The following DNA2 variants were observed in gnomAD, a reference collection of about 807,000 sequenced individuals.
The protein encoded by DNA2 is DNA replication ATP-dependent helicase/nuclease DNA2.
DNA2 carries 101 observed loss-of-function variants against 119.1 expected under a neutral mutation model. That is an observed-to-expected ratio of 0.85 (90% CI 0.72 to 1.00). The LOEUF (loss-of-function observed/expected upper bound fraction) is 1.00, where lower values mean the gene tolerates loss of function less well. DNA2 is among the 50% of genes least tolerant of loss of function. DNA2 has a pLI of 0.00. For missense variants in DNA2, 1,121 were observed against 1,255.5 expected, an observed-to-expected ratio of 0.89 and a Z score of 1.62; for synonymous variants, 366 against 424.4, an observed-to-expected ratio of 0.86 and a Z score of 1.69.
intron 10 of DNA2, among the ~76,000 whole-genome samples, chr10:68,434,527 C>T (rs2051862918): frequency 6.6e-6 from 1 of 152,028 alleles, no homozygotes; most frequent in Non-Finnish European, 1.5e-5. Context: ...TGGCATGCAC[C>T]TGTGGTCCCA....
chr10:68,425,864 G>A (rs1287725100), intron 14 of DNA2, among the ~76,000 whole-genome samples: 1 of 151,800 alleles, frequency 6.6e-6, no homozygotes, highest in African/African-American at 2.4e-5. Context: ...GCCAGGCGCT[G>A]TGTCTCACAC....
Position 68,419,098 on chromosome 10 carries a change from T to G in DNA2, c.2903A>C (p.Lys968Thr), listed in dbSNP as rs1375555636. The change falls in exon 19 of 21, where the codon AAA (lysine) becomes ACA (threonine). Residue 968 changes from lysine to threonine, a missense_variant. Lys to Thr is a moderately conservative substitution (Grantham distance 78). Transcript: ENST00000358410. ...IGMVEVNTVD[K>T]YQGRDKSIVL... The stretch of plus-strand genomic sequence containing the variant: ...AATACTTTTGTCCCTTCCTTGGTAT[T>G]TGTCTACTGTATTAACTTCGACCAT... 1 of 1,612,786 alleles carries G rather than the reference T, an allele frequency of 6.2e-7. No homozygotes were observed. Among genetic ancestry groups the G allele is most frequent in the Non-Finnish European group, 8.5e-7 (1 of 1,179,506 alleles).
At chr10:68,467,639 C>A (rs1354200526) in intron 3 of DNA2, among the ~76,000 whole-genome samples, 1 of 152,130 alleles carries the variant, frequency 6.6e-6, no homozygotes, top group African/African-American at 2.4e-5. Context: ...CAACCTCCAT[C>A]TCCCGGGTTT....
chr10:68,471,725 A>G (rs1012476621), intron 1 of DNA2, 66 bp downstream of exon 1: 2 of 1,482,638 alleles, frequency 1.3e-6, no homozygotes, highest in African/African-American at 2.8e-5. Context: ...GTGCGGACGC[A>G]GCCTCTCCCG....
intron 9 of DNA2, 73 bp from the exon 10 acceptor site, chr10:68,437,314 C>T: frequency 7.8e-7 from 1 of 1,280,508 alleles, no homozygotes; most frequent in South Asian, 1.5e-5. Flanking sequence ...CATTTTCCTA[C>T]AACTTACTTG....
Position 68,430,477 on chromosome 10 carries a change from T to C in DNA2, c.2167A>G (p.Ile723Val), listed in dbSNP as rs903318284. 7 of 1,610,934 alleles carry C rather than the reference T, an allele frequency of 4.3e-6. No homozygotes were observed. The highest frequency in any genetic ancestry group is 1.1e-5 in the South Asian group (1 of 90,262). Reference sequence around the variant, plus strand: ...TCTTCTAGAAGAGCTAAGGATTTAATGGACTTTGATCTGCAAATTTCTTGC... The same window carrying C: ...TCTTCTAGAAGAGCTAAGGATTTAACGGACTTTGATCTGCAAATTTCTTGC... ...TEQEICRSKSIKSLALLEELY... is the reference protein window; with the variant it reads ...TEQEICRSKSVKSLALLEELY... Residue 723 changes from isoleucine (I) to valine (V), a missense_variant, in exon 14 of 21, where the codon ATT becomes GTT. Physicochemically the swap from Ile to Val is conservative, Grantham distance 29. Transcript: ENST00000358410.
At chr10:68,449,930 C>A (rs141425561) in intron 6 of DNA2, 98 bp downstream of exon 6, 1 of 865,480 alleles carries the variant, frequency 1.2e-6, no homozygotes, top group East Asian at 2.7e-5. Context: ...GCCAAGACCA[C>A]GCCACTGCTC....
chr10:68,434,016 T>G, intron 10 of DNA2, among the ~76,000 whole-genome samples: 1 of 152,228 alleles, frequency 6.6e-6, no homozygotes, highest in Non-Finnish European at 1.5e-5. Flanking sequence ...GGCTCACGCC[T>G]GTAATCCCAA....
intron 19 of DNA2, among the ~76,000 whole-genome samples, chr10:68,417,185 A>G (rs940819554): frequency 8.6e-5 from 13 of 150,990 alleles, no homozygotes; most frequent in Non-Finnish European, 1.5e-5. Context: ...TTGAGCCCAG[A>G]AGTCAAGGAT....
At chr10:68,438,758 G>A (rs1261893963) in intron 9 of DNA2, among the ~76,000 whole-genome samples, 1 of 152,098 alleles carries the variant, frequency 6.6e-6, no homozygotes, top group Non-Finnish European at 1.5e-5. Flanking sequence ...TCTGGGCCGG[G>A]CGCCGTGGCT....
At chr10:68,467,858 A>G (rs2052344839) in intron 3 of DNA2, among the ~76,000 whole-genome samples, 1 of 152,120 alleles carries the variant, frequency 6.6e-6, no homozygotes, top group Non-Finnish European at 1.5e-5. Flanking sequence ...TTCTTATTAT[A>G]ATTAGTTATT....
intron 4 of DNA2, among the ~76,000 whole-genome samples, chr10:68,462,011 A>T (rs1564896619): frequency 6.6e-6 from 1 of 152,088 alleles, no homozygotes; most frequent in Non-Finnish European, 1.5e-5. Flanking sequence ...CATTCATTAC[A>T]TTTTTTTACA....
intron 9 of DNA2, among the ~76,000 whole-genome samples, chr10:68,440,704 C>A (rs763823293): frequency 3.9e-5 from 6 of 152,094 alleles, no homozygotes; most frequent in Non-Finnish European, 7.3e-5. Context: ...ATACTCACTA[C>A]ACATACGCAG....
chr10:68,468,213 C>T lies in DNA2; in HGVS notation c.351G>A (p.Leu117=). Residue 117 remains leucine, a synonymous_variant, in exon 3 of 21, where the codon TTG becomes TTA. Transcript: ENST00000358410. ...AAATCAGCATGTCTGGATACAGAAT[C>T]AAATATCCAAAATCTTTATCTATTA... ...TWIIDKDFGY[L]ILYPDMLISG... The T allele has an allele frequency of 5.0e-6, 8 of 1,612,398 alleles. No homozygotes were observed. The highest frequency in any genetic ancestry group is 6.8e-6 in the Non-Finnish European group (8 of 1,179,334).
intron 19 of DNA2, 38 bp from the exon 20 acceptor site, chr10:68,416,893 G>C (rs372328245): frequency 9.6e-5 from 151 of 1,570,686 alleles, no homozygotes; most frequent in Non-Finnish European, 1.3e-4. Flanking sequence ...CAAGTTCAAA[G>C]GAATGGTTAA....
chr10:68,421,340 C>G (rs2051662653), intron 17 of DNA2, among the ~76,000 whole-genome samples: 1 of 152,082 alleles, frequency 6.6e-6, no homozygotes. Context: ...ATTTCCTTTT[C>G]TAGGAAATAG....
intron 9 of DNA2, among the ~76,000 whole-genome samples, chr10:68,440,882 C>T (rs111796791): frequency 6.6e-5 from 10 of 152,146 alleles, no homozygotes; most frequent in East Asian, 1.9e-4. Context: ...AAAAATACTA[C>T]GCAAAGATAA....
chr10:68,427,424 C>T (rs1296698127), intron 14 of DNA2, among the ~76,000 whole-genome samples: 1 of 151,682 alleles, frequency 6.6e-6, no homozygotes, highest in East Asian at 1.9e-4. Context: ...CTTTGGGAGG[C>T]AGACAGAGGT....
At chr10:68,447,258 C>A (rs1020263543) in intron 6 of DNA2, among the ~76,000 whole-genome samples, 1 of 152,078 alleles carries the variant, frequency 6.6e-6, no homozygotes, top group African/African-American at 2.4e-5. Flanking sequence ...TGGCTCATGA[C>A]TATACTCCCA....
Sources: allele counts gnomAD v4.1 joint callset (sites outside exome capture counted in the v4.1 genomes callset), GRCh38; gene constraint gnomAD v4.1.1; transcripts MANE v1.5; gene names NCBI Gene and HGNC (gene_info 2026-07-23, HGNC 2026-07-21).